The following NTRK3 variants were observed in gnomAD, a reference collection of about 807,000 sequenced individuals.
NTRK3 encodes neurotrophic receptor tyrosine kinase 3.
Under a neutral mutation model 91.7 loss-of-function variants are expected in NTRK3, and 24 were observed. That is an observed-to-expected ratio of 0.26 (90% CI 0.19 to 0.37). The LOEUF (loss-of-function observed/expected upper bound fraction) is 0.37. Ranked by LOEUF, NTRK3 falls within the 10% of genes least tolerant of loss-of-function variation. The pLI is 1.00. For missense variants in NTRK3, 880 were observed against 1,068.9 expected (o/e 0.82, Z 2.46); for synonymous variants, 483 against 404.0 (o/e 1.20, Z -2.34).
At chr15:88,182,305 A>G (rs1041370679) in intron 5 of NTRK3, among the ~76,000 whole-genome samples, 1 of 152,126 alleles carries the variant, frequency 6.6e-6, no homozygotes, top group East Asian at 1.9e-4. Context: ...GGATCCCCCA[A>G]AAAAGAAAAA....
chr15:88,098,058 T>C (rs547120086), intron 13 of NTRK3, among the ~76,000 whole-genome samples: 16 of 152,328 alleles, frequency 1.1e-4, no homozygotes, highest in Admixed American at 4.6e-4. Context: ...ATTTATGTTA[T>C]AAAAATCTAT....
chr15:87,891,752 T>C (rs2065866766), intron 17 of NTRK3, among the ~76,000 whole-genome samples: 1 of 152,142 alleles, frequency 6.6e-6, no homozygotes, highest in Non-Finnish European at 1.5e-5. Flanking sequence ...GGCACTTTGA[T>C]TGTTTCCAGT....
At chr15:87,875,182 T>C in exon 19 of NTRK3, 1 of 231,336 alleles carries the variant, frequency 4.3e-6, no homozygotes, top group Non-Finnish European at 8.5e-6. Context: ...GGGAAAAGGG[T>C]AGGCCAGAGG....
chr15:87,901,772 A>G (rs1323051294), intron 17 of NTRK3, among the ~76,000 whole-genome samples: 98 of 145,476 alleles, frequency 6.7e-4, no homozygotes, highest in African/African-American at 2.4e-3. Flanking sequence ...GGAGGGGGGG[A>G]GAGGGGGAGA....
chr15:87,980,316 AGT>A lies in NTRK3; in HGVS notation c.1586-39565_1586-39564del, dbSNP rs983450580. On this transcript the variant is annotated intron_variant, in intron 14 of 18. Coordinates refer to ENST00000394480, the Ensembl canonical transcript of NTRK3. ...ACAGATTTTAAAAGTGTGTGTAAAG[AGT>A]GTGTGTGTGCATTTGCATGTGTGTG... 2.1e-3 allele frequency among the ~76,000 whole-genome samples: 315 copies of A among 151,810 alleles called. 3 individuals carry two copies. Among genetic ancestry groups the A allele is most frequent in the African/African-American group, 7.2e-3 (297 of 41,356 alleles).
chr15:88,093,312 G>A (rs113545579), intron 13 of NTRK3, among the ~76,000 whole-genome samples: 61 of 152,188 alleles, frequency 4.0e-4, no homozygotes, highest in African/African-American at 1.4e-3. Flanking sequence ...AAGGGAGGGG[G>A]GAAGGAAGAA....
At chr15:88,000,048 T>A (rs968626594) in intron 14 of NTRK3, among the ~76,000 whole-genome samples, 2 of 152,174 alleles carry the variant, frequency 1.3e-5, no homozygotes, top group African/African-American at 4.8e-5. Flanking sequence ...GTATCAGACT[T>A]CTTAGTGCTA....
chr15:88,143,602 T>C (rs1419065359), intron 6 of NTRK3, among the ~76,000 whole-genome samples: 1 of 152,198 alleles, frequency 6.6e-6, no homozygotes, highest in Non-Finnish European at 1.5e-5. Flanking sequence ...CCTTCCTTCT[T>C]CACAAATTTA....
At chr15:87,980,025 C>A (rs1042352618) in intron 14 of NTRK3, among the ~76,000 whole-genome samples, 34 of 152,146 alleles carry the variant, frequency 2.2e-4, no homozygotes, top group Admixed American at 3.3e-4. Flanking sequence ...TCTCATTGAC[C>A]TTTTCGCCTC....
intron 14 of NTRK3, among the ~76,000 whole-genome samples, chr15:87,949,461 T>A (rs904677387): frequency 1.3e-5 from 2 of 151,784 alleles, no homozygotes; most frequent in African/African-American, 4.8e-5. Flanking sequence ...AGACACTGTG[T>A]TCCCACCAAG....
chr15:88,191,811 G>C (rs1352451328), intron 3 of NTRK3, among the ~76,000 whole-genome samples: 1 of 152,252 alleles, frequency 6.6e-6, no homozygotes, highest in Non-Finnish European at 1.5e-5. Flanking sequence ...GCATCAAGGG[G>C]GCTGGGAAGG....
exon 19 of NTRK3, chr15:87,876,925 C>A (rs1221327475): frequency 6.2e-7 from 1 of 1,613,610 alleles, no homozygotes; most frequent in Non-Finnish European, 8.5e-7. Flanking sequence ...TTCATGACCA[C>A]CAGCCACCAC....
chr15:87,984,091 C>T (rs953153303), intron 14 of NTRK3, among the ~76,000 whole-genome samples: 6 of 152,068 alleles, frequency 3.9e-5, no homozygotes, highest in African/African-American at 7.3e-5. Context: ...TGAAAAATGA[C>T]CACATGAACG....
chr15:87,953,377 G>A (rs911343197), intron 14 of NTRK3, among the ~76,000 whole-genome samples: 6 of 152,186 alleles, frequency 3.9e-5, no homozygotes, highest in Admixed American at 1.3e-4. Context: ...CTTTGGACCA[G>A]AAGACGATTC....
At chr15:88,143,532 ATAACT>A (rs766018156) in intron 6 of NTRK3, among the ~76,000 whole-genome samples, 1 of 152,240 alleles carries the variant, frequency 6.6e-6, no homozygotes, top group Non-Finnish European at 1.5e-5. Context: ...AATACAGCTA[ATAACT>A]TAACTCTCTA....
At chr15:88,193,657 A>C (rs1053263209) in intron 3 of NTRK3, among the ~76,000 whole-genome samples, 9 of 152,136 alleles carry the variant, frequency 5.9e-5, no homozygotes, top group Non-Finnish European at 8.8e-5. Flanking sequence ...TCAATGTCAG[A>C]CCTTAACCAT....
intron 13 of NTRK3, among the ~76,000 whole-genome samples, chr15:88,090,543 A>C (rs1479539517): frequency 6.6e-6 from 1 of 152,152 alleles, no homozygotes; most frequent in Non-Finnish European, 1.5e-5. Flanking sequence ...CCTGGTAGGA[A>C]ATCCTTAATG....
intron 14 of NTRK3, chr15:87,979,594 G>C: frequency 3.0e-6 from 2 of 677,698 alleles, no homozygotes; most frequent in Non-Finnish European, 5.2e-6. Flanking sequence ...TCAGCAAAAG[G>C]GAAGGATAGG....
chr15:87,957,041 C>T (rs2071740082), intron 14 of NTRK3, among the ~76,000 whole-genome samples: 1 of 152,152 alleles, frequency 6.6e-6, no homozygotes, highest in African/African-American at 2.4e-5. Flanking sequence ...CTCCAGCCAA[C>T]CCCACTCAAC....
Sources: gnomAD v4.1 joint callset for allele counts (sites outside exome capture counted in the v4.1 genomes callset) on GRCh38, gnomAD v4.1.1 for gene constraint, MANE v1.5 for transcripts, NCBI Gene and HGNC (gene_info 2026-07-23, HGNC 2026-07-21) for gene names.